Variants in FHIT observed in about 807,000 individuals in gnomAD.
FHIT encodes the protein fragile histidine triad diadenosine triphosphatase.
Under a neutral mutation model 17.9 loss-of-function variants are expected in FHIT, and 19 were observed. The observed-to-expected ratio is 1.06, with a 90% CI of 0.74 to 1.56. FHIT has a LOEUF of 1.56. FHIT is among the 40% of genes most tolerant of loss of function. The pLI is 0.00. For missense variants in FHIT, 248 were observed against 189.2 expected, an observed-to-expected ratio of 1.31 and a Z score of -1.82; for synonymous variants, 81 against 69.7, an observed-to-expected ratio of 1.16 and a Z score of -0.81.
chr3:60,674,784 G>T (rs997859788), intron 4 of FHIT, among the ~76,000 whole-genome samples: 1 of 152,056 alleles, frequency 6.6e-6, no homozygotes, highest in Non-Finnish European at 1.5e-5. Flanking sequence ...TCGGCTCTTG[G>T]TCCCACAGTG....
chr3:60,934,118 T>C (rs1298126797), intron 3 of FHIT, among the ~76,000 whole-genome samples: 1 of 152,088 alleles, frequency 6.6e-6, no homozygotes, highest in African/African-American at 2.4e-5. Flanking sequence ...TTGAGAGGAA[T>C]CTTGACCAGA....
intron 5 of FHIT, among the ~76,000 whole-genome samples, chr3:60,501,877 T>C (rs2034539635): frequency 6.6e-6 from 1 of 152,210 alleles, no homozygotes; most frequent in African/African-American, 2.4e-5. Flanking sequence ...CACTCAGTAC[T>C]TGTAGGAGTG....
intron 4 of FHIT, among the ~76,000 whole-genome samples, chr3:60,547,963 C>A (rs113212775): frequency 1.3e-5 from 2 of 152,034 alleles, no homozygotes; most frequent in African/African-American, 4.8e-5. Context: ...GATTTGCTTT[C>A]AAATGTTATG....
intron 5 of FHIT, among the ~76,000 whole-genome samples, chr3:60,445,153 C>T (rs2031235580): frequency 6.6e-6 from 1 of 151,992 alleles, no homozygotes; most frequent in South Asian, 2.1e-4. Flanking sequence ...GCTTGGAAAA[C>T]AGAGTAAGAC....
intron 5 of FHIT, among the ~76,000 whole-genome samples, chr3:60,490,877 A>G (rs967977525): frequency 6.6e-6 from 1 of 152,182 alleles, no homozygotes; most frequent in Non-Finnish European, 1.5e-5. Context: ...GATGTTAAGT[A>G]ACTTGCACAG....
chr3:59,773,711 T>G (rs1702173716), intron 8 of FHIT, among the ~76,000 whole-genome samples: 1 of 152,060 alleles, frequency 6.6e-6, no homozygotes, highest in African/African-American at 2.4e-5. Flanking sequence ...GTCCCGGGTG[T>G]GGACTGCAGA....
chr3:60,721,981 AG>A (rs2041818769), intron 4 of FHIT, among the ~76,000 whole-genome samples: 1 of 152,174 alleles, frequency 6.6e-6, no homozygotes, highest in African/African-American at 2.4e-5. Flanking sequence ...GGAGCTGGAG[AG>A]CACCAAAATT....
intron 3 of FHIT, among the ~76,000 whole-genome samples, chr3:60,934,746 A>C (rs1267181312): frequency 2.6e-5 from 4 of 152,178 alleles, no homozygotes. Context: ...ATTCTAAATC[A>C]CAAGAATCTC....
chr3:60,467,959 CAT>C (rs2032889062), intron 5 of FHIT, among the ~76,000 whole-genome samples: 1 of 151,894 alleles, frequency 6.6e-6, no homozygotes, highest in Middle Eastern at 3.2e-3. Flanking sequence ...CTTTACATAA[CAT>C]ATATGAGTGC....
chr3:61,023,344 G>A (rs1472572866), intron 3 of FHIT, among the ~76,000 whole-genome samples: 3 of 152,030 alleles, frequency 2.0e-5, no homozygotes, highest in African/African-American at 4.8e-5. Flanking sequence ...AAATAAGAGA[G>A]GACACAAAAA....
Position 60,043,953 on chromosome 3 carries a change from C to T in FHIT, c.104-29801G>A, listed in dbSNP as rs141231547. On this transcript the variant is annotated intron_variant, in intron 5 of 9. Coordinates refer to ENST00000492590, the MANE Select transcript of FHIT (RefSeq NM_002012.4). The stretch of plus-strand genomic sequence containing the variant: ...CAGAATAATCCAAACGACAGGCCAA[C>T]GTGGTGAGTGATATTTGAACATCTA... 3.3e-4 allele frequency among the ~76,000 whole-genome samples: 51 copies of T among 152,312 alleles called. 2 individuals are homozygous for T. Among genetic ancestry groups the T allele is most frequent in the East Asian group, 7.7e-4 (4 of 5,192 alleles).
rs112816333 is a variant in FHIT at position 60,870,461 on chromosome 3, C to T, written c.-110-48450G>A. Among the ~76,000 whole-genome samples, 1,042 of 152,154 alleles carry T rather than the reference C, an allele frequency of 6.8e-3. 4 individuals are homozygous for T. The highest frequency in any genetic ancestry group is 0.012 in the Non-Finnish European group (799 of 68,002). On this transcript the variant is annotated intron_variant, in intron 3 of 9. Transcript: ENST00000492590. ...CTTCAAGTATTCTAATGTAGGGACA[C>T]GGCACCCCTACTGTGGAAAGAGATG...
chr3:60,071,178 T>C (rs1039380895), intron 5 of FHIT, among the ~76,000 whole-genome samples: 15 of 152,276 alleles, frequency 9.9e-5, no homozygotes, highest in African/African-American at 3.6e-4. Context: ...ACCTGAATTG[T>C]GGCTAGCCCA....
At chr3:60,321,103 T>G (rs1337316567) in intron 5 of FHIT, among the ~76,000 whole-genome samples, 1 of 152,134 alleles carries the variant, frequency 6.6e-6, no homozygotes, top group Non-Finnish European at 1.5e-5. Flanking sequence ...GCTCAGGGAC[T>G]CCCCAACTCT....
At chr3:60,246,198 T>A (rs1705386922) in intron 5 of FHIT, among the ~76,000 whole-genome samples, 1 of 152,070 alleles carries the variant, frequency 6.6e-6, no homozygotes, top group Non-Finnish European at 1.5e-5. Flanking sequence ...AAATTATAAA[T>A]GGCAAATAAA....
intron 2 of FHIT, among the ~76,000 whole-genome samples, chr3:61,192,851 A>G (rs2038755622): frequency 6.6e-6 from 1 of 152,210 alleles, no homozygotes; most frequent in Non-Finnish European, 1.5e-5. Flanking sequence ...TGGGAGTCAT[A>G]AAGTACCACA....
chr3:60,068,976 T>C (rs1476123676), intron 5 of FHIT, among the ~76,000 whole-genome samples: 1 of 152,204 alleles, frequency 6.6e-6, no homozygotes, highest in Non-Finnish European at 1.5e-5. Flanking sequence ...TTATGGTACT[T>C]CCATACATGA....
intron 4 of FHIT, among the ~76,000 whole-genome samples, chr3:60,758,494 T>G (rs1470928134): frequency 6.6e-6 from 1 of 152,214 alleles, no homozygotes; most frequent in Non-Finnish European, 1.5e-5. Context: ...CTCAAAAGGT[T>G]ATCAAGGAAA....
chr3:60,975,276 T>C (rs1201291964), intron 3 of FHIT, among the ~76,000 whole-genome samples: 1 of 152,212 alleles, frequency 6.6e-6, no homozygotes, highest in East Asian at 1.9e-4. Flanking sequence ...TGGAGAGGCA[T>C]CTAATGTCAG....
Sources: gnomAD v4.1 joint callset for allele counts (sites outside exome capture counted in the v4.1 genomes callset) on GRCh38, gnomAD v4.1.1 for gene constraint, MANE v1.5 for transcripts, NCBI Gene and HGNC (gene_info 2026-07-23, HGNC 2026-07-21) for gene names.